FAM222A: variants seen among roughly 807,000 people sequenced by gnomAD.
FAM222A encodes the protein protein FAM222A.
A neutral mutation model predicts 25.8 loss-of-function variants in FAM222A; 7 were observed. The observed-to-expected ratio is 0.27, with a 90% CI of 0.15 to 0.51. FAM222A has a LOEUF of 0.51. FAM222A is among the 20% of genes least tolerant of loss of function. The pLI, the probability that FAM222A is intolerant of heterozygous loss-of-function variation, is 0.97. For missense variants in FAM222A, 573 were observed against 640.5 expected (o/e 0.89, Z 1.14); for synonymous variants, 294 against 298.8 (o/e 0.98, Z 0.17).
chr12:109,767,062 CTTTTTTTTT>C (rs757766627), intron 2 of FAM222A, among the ~76,000 whole-genome samples: 9 of 93,068 alleles, frequency 9.7e-5, no homozygotes, highest in East Asian at 3.4e-4. Context: ...TGCTTGGCTT[CTTTTTTTTT>C]TTTTTTTTTT....
At chr12:109,739,135 C>T (rs1392531732) in intron 1 of FAM222A, among the ~76,000 whole-genome samples, 5 of 152,222 alleles carry the variant, frequency 3.3e-5, no homozygotes, top group Admixed American at 6.5e-5. Flanking sequence ...GGCTCAGAGG[C>T]GCAGCCCATG....
At chr12:109,737,960 C>T (rs962870097) in intron 1 of FAM222A, among the ~76,000 whole-genome samples, 1 of 151,310 alleles carries the variant, frequency 6.6e-6, no homozygotes, top group African/African-American at 2.4e-5. Flanking sequence ...CTGAGACAAG[C>T]GGGGTGGGAG....
At chr12:109,743,117 C>T (rs1888289710) in intron 1 of FAM222A, among the ~76,000 whole-genome samples, 1 of 152,036 alleles carries the variant, frequency 6.6e-6, no homozygotes, top group South Asian at 2.1e-4. Context: ...TCAGGGGTGT[C>T]CGGGGTTGAG....
chr12:109,768,704 C>T lies in FAM222A; in HGVS notation c.775C>T (p.Leu259=). The change falls in exon 3 of 3, where the codon CTG becomes TTG. Residue 259 remains leucine, a synonymous_variant. Coordinates refer to ENST00000538780, the MANE Select transcript of FAM222A (RefSeq NM_032829.3). The part of the protein sequence containing the change: ...GLPDCRKGTE[L]GQGATQALTL... ...GCCCGACTGCCGGAAAGGCACTGAG[C>T]TGGGCCAGGGAGCCACCCAAGCCTT... The T allele has an allele frequency of 1.3e-6, 2 of 1,583,006 alleles. No homozygotes were observed. The highest frequency in any genetic ancestry group is 1.7e-5 in the Admixed American group (1 of 57,342).
chr12:109,765,627 A>G (rs961820441), intron 2 of FAM222A, among the ~76,000 whole-genome samples: 1 of 152,056 alleles, frequency 6.6e-6, no homozygotes, highest in Admixed American at 6.5e-5. Flanking sequence ...CTGGACCCCC[A>G]TGTCCCGCCA....
rs371399526 is a variant in FAM222A at position 109,769,021 on chromosome 12, G to C, written c.1092G>C (p.Ala364=). The C allele has an allele frequency of 7.8e-5, 123 of 1,580,526 alleles. No homozygotes were observed. The highest frequency in any genetic ancestry group is 9.9e-5 in the Non-Finnish European group (115 of 1,165,516). ...CCACCAGCGACTGCTACAACCCAGCGGCGGCGGTGGTGGTCACGGAGCTGG... is the reference window on the plus strand; with the variant it reads ...CCACCAGCGACTGCTACAACCCAGCCGCGGCGGTGGTGGTCACGGAGCTGG... ...VTPTSDCYNP[A]AAVVVTELGP... is the part of the protein sequence containing the mutation. Residue 364 remains alanine, a synonymous_variant, in exon 3 of 3, where the codon GCG becomes GCC. Transcript: ENST00000538780.
At chr12:109,764,349 T>C (rs1000975502) in intron 2 of FAM222A, among the ~76,000 whole-genome samples, 1 of 152,184 alleles carries the variant, frequency 6.6e-6, no homozygotes, top group African/African-American at 2.4e-5. Context: ...TGAGCCCTGT[T>C]GACCACATGG....
intron 1 of FAM222A, among the ~76,000 whole-genome samples, chr12:109,743,410 T>C (rs1411066294): frequency 6.6e-6 from 1 of 152,230 alleles, no homozygotes; most frequent in African/African-American, 2.4e-5. Context: ...GCTGCTGCCC[T>C]GCGGGGCACA....
At chr12:109,767,236 A>G (rs1889079565) in intron 2 of FAM222A, among the ~76,000 whole-genome samples, 2 of 152,064 alleles carry the variant, frequency 1.3e-5, no homozygotes, top group South Asian at 2.1e-4. Flanking sequence ...CATCAAGAAT[A>G]GAAAGGTTGG....
At chr12:109,739,345 A>G (rs920019195) in intron 1 of FAM222A, among the ~76,000 whole-genome samples, 2 of 152,232 alleles carry the variant, frequency 1.3e-5, no homozygotes, top group Non-Finnish European at 2.9e-5. Flanking sequence ...TTGGGAGGTC[A>G]GTTCTGGCTA....
chr12:109,764,619 CATACA>C (rs1888990019), intron 2 of FAM222A, among the ~76,000 whole-genome samples: 3 of 152,194 alleles, frequency 2.0e-5, no homozygotes, highest in Admixed American at 2.0e-4. Flanking sequence ...AACAAAAATA[CATACA>C]GATATAATTT....
At position 109,761,997 on chromosome 12, in the gene FAM222A, T is replaced by C. The variant is rs1765185216; in HGVS notation, c.83-6015T>C. On this transcript the variant is annotated intron_variant, in intron 2 of 2. Transcript: ENST00000538780. The stretch of plus-strand genomic sequence containing the variant: ...CCCAGCTGTGCCAGGTCCCATGCAT[T>C]CACCAACCCCCCAAGACTACCTTCC... Among the ~76,000 whole-genome samples the C allele has an allele frequency of 3.3e-5, 5 of 151,784 alleles. No individual in the cohort carries two copies. In the South Asian group the frequency reaches 1.0e-3, roughly 32 times the overall value.
intron 1 of FAM222A, among the ~76,000 whole-genome samples, chr12:109,741,257 G>C (rs1174952802): frequency 6.6e-6 from 1 of 152,148 alleles, no homozygotes; most frequent in Admixed American, 6.5e-5. Context: ...GGAGAACTGG[G>C]GTTGCAGAGA....
intron 2 of FAM222A, among the ~76,000 whole-genome samples, chr12:109,754,376 GAAA>G (rs918271240): frequency 5.4e-5 from 8 of 147,048 alleles, no homozygotes; most frequent in Admixed American, 4.7e-4. Context: ...TCTAAAAAAA[GAAA>G]AAAAAAAGAA....
At chr12:109,752,991 G>A (rs1472315712) in intron 2 of FAM222A, among the ~76,000 whole-genome samples, 1 of 152,184 alleles carries the variant, frequency 6.6e-6, no homozygotes, top group African/African-American at 2.4e-5. Context: ...AAAGGAACCT[G>A]CCTACCCCTG....
intron 2 of FAM222A, among the ~76,000 whole-genome samples, chr12:109,765,697 G>A (rs1309179016): frequency 6.6e-6 from 1 of 152,086 alleles, no homozygotes; most frequent in Non-Finnish European, 1.5e-5. Flanking sequence ...GAGGTGTCAG[G>A]GACGATGCTT....
chr12:109,737,895 G>A (rs537952606), intron 1 of FAM222A, among the ~76,000 whole-genome samples: 33 of 152,288 alleles, frequency 2.2e-4, no homozygotes, highest in African/African-American at 7.9e-4. Flanking sequence ...GAACAGAGAT[G>A]GGGGAGGGAG....
chr12:109,760,865 GGCC>G (rs1355622014), intron 2 of FAM222A, among the ~76,000 whole-genome samples: 2 of 152,184 alleles, frequency 1.3e-5, no homozygotes, highest in Non-Finnish European at 1.5e-5. Context: ...TGGGCCAGGT[GGCC>G]AGGGCCTTGA....
Position 109,768,599 on chromosome 12 carries a change from G to T in FAM222A, c.670G>T (p.Ala224Ser). Residue 224 changes from alanine (A) to serine (S), a missense_variant, in exon 3 of 3, where the codon GCT becomes TCT. Physicochemically the swap from Ala to Ser is moderately conservative, Grantham distance 99. This residue lies in a region of FAM222A where 412 missense variants were observed against 407.0 expected (regional missense o/e 1.01). Coordinates refer to ENST00000538780, the MANE Select transcript of FAM222A (RefSeq NM_032829.3). ...GAAPPACQGMAIPHPSPAKHG... is the reference protein window; with the variant it reads ...GAAPPACQGMSIPHPSPAKHG... The stretch of plus-strand genomic sequence containing the variant: ...CGCACCCCCTGCCTGCCAGGGCATG[G>T]CTATTCCCCATCCCAGCCCTGCCAA... 1 of 1,604,292 alleles carries T rather than the reference G, an allele frequency of 6.2e-7. No homozygotes were observed. The highest frequency in any genetic ancestry group is 8.5e-7 in the Non-Finnish European group (1 of 1,179,044).
Sources: allele counts gnomAD v4.1 joint callset (sites outside exome capture counted in the v4.1 genomes callset), GRCh38; gene constraint gnomAD v4.1.1; regional missense constraint gnomAD v4.1.1; transcripts MANE v1.5; gene names NCBI Gene and HGNC (gene_info 2026-07-23, HGNC 2026-07-21).